ENOX2: variants seen among roughly 807,000 people sequenced by gnomAD.
The protein encoded by ENOX2 is ecto-NOX disulfide-thiol exchanger 2.
ENOX2 carries 36 observed loss-of-function variants against 45.0 expected under a neutral mutation model. That is an observed-to-expected ratio of 0.80 (90% confidence interval 0.61 to 1.06). ENOX2 has a LOEUF of 1.06. Ranked by LOEUF, ENOX2 falls within the 50% of genes least tolerant of loss-of-function variation. The pLI, the probability that ENOX2 is intolerant of heterozygous loss-of-function variation, is 0.00. For synonymous variants in ENOX2, 174 were observed against 152.3 expected (o/e 1.14, Z -1.05); for missense variants, 423 against 462.5 (o/e 0.91, Z 0.78).
chrX:130,701,514 T>C (rs1024111368), intron 4 of ENOX2, among the ~76,000 whole-genome samples: 2 of 111,776 alleles, frequency 1.8e-5, no homozygotes, highest in Non-Finnish European at 3.8e-5. Flanking sequence ...TTTTAATAGC[T>C]GCCATTTTTG....
At chrX:130,842,331 T>C (rs1002732725) in intron 2 of ENOX2, among the ~76,000 whole-genome samples, 2 of 112,823 alleles carry the variant, frequency 1.8e-5, no homozygotes, top group African/African-American at 6.4e-5. Flanking sequence ...ATTTCTTATG[T>C]AGCTGATTCC....
chrX:130,781,564 G>A (rs933884044), intron 3 of ENOX2, among the ~76,000 whole-genome samples: 5 of 111,725 alleles, frequency 4.5e-5, no homozygotes, highest in African/African-American at 1.6e-4. Context: ...TGCAGTTCAG[G>A]AGGTATTACC....
rs906139335 is a variant in ENOX2, at chrX:130,723,963, C to T, written c.-38-20709G>A. Among the ~76,000 whole-genome samples the T allele has an allele frequency of 5.4e-5, 6 of 111,618 alleles. No individual in the cohort carries two copies. In the East Asian group the frequency reaches 8.4e-4, roughly 16 times the overall value. On this transcript the variant is annotated intron_variant, in intron 3 of 14. Coordinates refer to ENST00000394363, the MANE Select transcript of ENOX2 (RefSeq NM_006375.4). ...CCTAATATACTGTCAAATTACCCGT[C>T]CCCCCGCAGGATATGGCATAGTGAA...
rs372539663 is a variant in ENOX2, at chrX:130,625,424, A to G, written c.1636T>C (p.Cys546Arg). The G allele has an allele frequency of 8.3e-7, 1 of 1,206,986 alleles. No individual in the cohort carries two copies. The highest frequency in any genetic ancestry group is 1.1e-6 in the Non-Finnish European group (1 of 893,734). The change falls in exon 15 of 15, where the codon TGT (cysteine) becomes CGT (arginine). Residue 546 changes from cysteine to arginine, a missense_variant. Coordinates refer to ENST00000394363, the MANE Select transcript of ENOX2 (RefSeq NM_006375.4). The stretch of plus-strand genomic sequence containing the variant: ...GTATGCTGGAGTCTACCCATGAGAC[A>G]CTCCACATCGCTGGTGCAGATCTGT... ...DNKICTSDVE[C>R]LMGRLQHTFK...
At chrX:130,757,001 A>G (rs1387183174) in intron 3 of ENOX2, among the ~76,000 whole-genome samples, 1 of 112,598 alleles carries the variant, frequency 8.9e-6, no homozygotes, top group Non-Finnish European at 1.9e-5. Context: ...GCACAGTGCT[A>G]CATAATTGTT....
chrX:130,636,452 C>T (rs1031458180), intron 11 of ENOX2, among the ~76,000 whole-genome samples: 1 of 112,145 alleles, frequency 8.9e-6, no homozygotes, highest in African/African-American at 3.2e-5. Flanking sequence ...GATGTAAGGA[C>T]AATGGCTGGT....
intron 2 of ENOX2, among the ~76,000 whole-genome samples, chrX:130,890,151 A>AT (rs376574979): frequency 5.6e-4 from 61 of 109,170 alleles, no homozygotes; most frequent in South Asian, 7.8e-4. Context: ...AGGAAAGATG[A>AT]TTTTTTTTTT....
chrX:130,639,737 A>G (rs1275433423), intron 10 of ENOX2, among the ~76,000 whole-genome samples: 1 of 112,010 alleles, frequency 8.9e-6, no homozygotes, highest in Non-Finnish European at 1.9e-5. Flanking sequence ...CATAAAGAAG[A>G]AATTCAAAGA....
chrX:130,782,811 G>A (rs2076915779), intron 3 of ENOX2, among the ~76,000 whole-genome samples: 1 of 110,224 alleles, frequency 9.1e-6, no homozygotes, highest in Admixed American at 9.6e-5. Context: ...GTTAAGATGT[G>A]GCTCTCCTAT....
intron 3 of ENOX2, among the ~76,000 whole-genome samples, chrX:130,726,552 G>A (rs1276951022): frequency 1.8e-5 from 2 of 112,552 alleles, no homozygotes; most frequent in Non-Finnish European, 3.7e-5. Context: ...AGTACAAATG[G>A]CTGCTTGTGA....
rs571594186 is a variant in ENOX2 at position 130,682,344 on chromosome X, G to T, written c.254-2596C>A. 3.7e-5 allele frequency among the ~76,000 whole-genome samples: 4 copies of T among 109,166 alleles called. No individual in the cohort carries two copies. In the South Asian group the frequency reaches 1.6e-3, roughly 45 times the overall value. The allele number at this position is 109,166 out of a possible 115,157, so 94.8% of individuals were successfully genotyped here. A position where few individuals can be genotyped will look rare whatever the true frequency, so the allele number is the denominator to read the frequency against. ...ATTTGTGGGATTTAAAAATTCTTTG[G>T]GGGGCTGAGGTGGGCGGATCACGAG... On this transcript the variant is annotated intron_variant, in intron 5 of 14. Transcript: ENST00000394363.
At chrX:130,829,074 A>G (rs2077772727) in intron 2 of ENOX2, among the ~76,000 whole-genome samples, 1 of 111,577 alleles carries the variant, frequency 9.0e-6, no homozygotes, top group Non-Finnish European at 1.9e-5. Context: ...CCCATCTTCA[A>G]TGTACTGGCT....
At chrX:130,837,912 T>C (rs965974413) in intron 2 of ENOX2, among the ~76,000 whole-genome samples, 2 of 112,100 alleles carry the variant, frequency 1.8e-5, no homozygotes, top group African/African-American at 6.5e-5. Flanking sequence ...CTACTAAGGA[T>C]ACCCTCTGGA....
chrX:130,632,442 T>TG, intron 12 of ENOX2, among the ~76,000 whole-genome samples: 1 of 103,986 alleles, frequency 9.6e-6, no homozygotes, highest in South Asian at 4.7e-4. Flanking sequence ...CCTCCAGACC[T>TG]TTCATGGCTC....
chrX:130,632,510 A>T (rs1000812013), intron 12 of ENOX2, among the ~76,000 whole-genome samples: 1 of 110,927 alleles, frequency 9.0e-6, no homozygotes, highest in African/African-American at 3.3e-5. Flanking sequence ...ATGTGAAGGC[A>T]AAGCTTTCAG....
chrX:130,682,845 C>T (rs138393442), intron 5 of ENOX2, among the ~76,000 whole-genome samples: 1 of 111,288 alleles, frequency 9.0e-6, no homozygotes, highest in East Asian at 2.8e-4. Flanking sequence ...ATGGATAGTA[C>T]CCATTCCTTA....
intron 2 of ENOX2, among the ~76,000 whole-genome samples, chrX:130,869,822 T>C (rs2078544136): frequency 8.9e-6 from 1 of 112,138 alleles, no homozygotes. Flanking sequence ...TAAAGAAAGG[T>C]AGGTATTCCT....
At chrX:130,645,328 C>T (rs1280249010) in intron 10 of ENOX2, among the ~76,000 whole-genome samples, 2 of 111,473 alleles carry the variant, frequency 1.8e-5, no homozygotes, top group African/African-American at 3.3e-5. Context: ...TATTTTGAGC[C>T]GTCTCCTCAA....
At chrX:130,742,739 T>C (rs2039014552) in intron 3 of ENOX2, among the ~76,000 whole-genome samples, 1 of 111,954 alleles carries the variant, frequency 8.9e-6, no homozygotes, top group East Asian at 2.8e-4. Context: ...GCTACACAGC[T>C]AGTAAGTAGC....
Sources: gnomAD v4.1 joint callset for allele counts (sites outside exome capture counted in the v4.1 genomes callset) on GRCh38, gnomAD v4.1.1 for gene constraint, MANE v1.5 for transcripts, NCBI Gene and HGNC (gene_info 2026-07-23, HGNC 2026-07-21) for gene names.